DHCR24: variants seen among roughly 807,000 people sequenced by gnomAD.
The protein encoded by DHCR24 is delta(24)-sterol reductase.
In DHCR24, 28 loss-of-function variants were observed where a neutral mutation model predicts 61.2. That is an observed-to-expected ratio of 0.46 (90% CI 0.34 to 0.63). DHCR24 has a LOEUF of 0.63. Ranked by LOEUF, DHCR24 falls within the 20% of genes least tolerant of loss-of-function variation. The probability of loss-of-function intolerance (pLI) is 0.01; values close to 1 mark genes in which losing one functional copy is unlikely to be tolerated. For missense variants in DHCR24, 538 were observed against 679.1 expected, an observed-to-expected ratio of 0.79 and a Z score of 2.31; for synonymous variants, 261 against 275.9, an observed-to-expected ratio of 0.95 and a Z score of 0.54.
At chr1:54,859,469 A>G (rs540101519) in intron 6 of DHCR24, among the ~76,000 whole-genome samples, 38 of 151,810 alleles carry the variant, frequency 2.5e-4, no homozygotes, top group South Asian at 4.2e-4. Context: ...TGTCTCCAAC[A>G]GTTCCTTTTT....
chr1:54,870,133 G>A (rs1220136162), intron 5 of DHCR24, among the ~76,000 whole-genome samples: 1 of 151,872 alleles, frequency 6.6e-6, no homozygotes, highest in Non-Finnish European at 1.5e-5. Flanking sequence ...AAGGCAGGAG[G>A]ATTGCTTGAG....
At chr1:54,878,150 C>G (rs557229967) in intron 2 of DHCR24, among the ~76,000 whole-genome samples, 50 of 151,668 alleles carry the variant, frequency 3.3e-4, no homozygotes, top group Non-Finnish European at 5.6e-4. Flanking sequence ...GAGTACTAAT[C>G]GGTAAATACA....
intron 6 of DHCR24, among the ~76,000 whole-genome samples, chr1:54,859,781 C>T (rs753242946): frequency 1.3e-5 from 2 of 152,176 alleles, no homozygotes; most frequent in Non-Finnish European, 2.9e-5. Flanking sequence ...GAAGATAATG[C>T]GTGGAAAGTG....
At chr1:54,860,068 C>T (rs1010151930) in intron 6 of DHCR24, among the ~76,000 whole-genome samples, 1 of 152,110 alleles carries the variant, frequency 6.6e-6, no homozygotes, top group African/African-American at 2.4e-5. Flanking sequence ...GAGACCCTCA[C>T]CCCTACACTC....
Position 54,853,334 on chromosome 1 carries a change from C to A in DHCR24, c.1397+100G>T, listed in dbSNP as rs556976717. 6.7e-6 allele frequency: 10 copies of A among 1,486,808 alleles called. No individual in the cohort carries two copies. In the African/African-American group the frequency reaches 9.7e-5, roughly 14 times the overall value. The allele number at this position is 1,486,808 out of a possible 1,614,324, so 92.1% of individuals were successfully genotyped here. A position where few individuals can be genotyped will look rare whatever the true frequency, so the allele number is the denominator to read the frequency against. ...GGGCCCTAAGGAACCAGTTGATAGGCTTGGGGCTCCTGGTTCTCCATAGAG... is the reference window on the plus strand; with the variant it reads ...GGGCCCTAAGGAACCAGTTGATAGGATTGGGGCTCCTGGTTCTCCATAGAG... On this transcript the variant is annotated intron_variant, in intron 8 of 8. Transcript: ENST00000371269.
intron 5 of DHCR24, among the ~76,000 whole-genome samples, chr1:54,868,241 T>G (rs924261332): frequency 2.6e-5 from 4 of 151,936 alleles, no homozygotes; most frequent in Non-Finnish European, 4.4e-5. Context: ...GAGGCCGAGG[T>G]GGGTGGATCA....
At position 54,887,152 on chromosome 1, in the gene DHCR24, C is replaced by A. The variant is rs758999320; in HGVS notation, c.-33G>T. 10 of 1,528,716 alleles carry A rather than the reference C, an allele frequency of 6.5e-6. No homozygotes were observed. Among genetic ancestry groups the A allele is most frequent in the Non-Finnish European group, 7.9e-6 (9 of 1,135,016 alleles). The allele number at this position is 1,528,716 out of a possible 1,614,324, so 94.7% of individuals were successfully genotyped here. ...CGCCGCGCGGTAAGCGCTGCGGGTT[C>A]GCGCCTCCTGTCACTGCCGCCAGCT... On this transcript the variant is annotated 5_prime_UTR_variant, in exon 1 of 9. Transcript: ENST00000371269.
chr1:54,877,401 C>T (rs1570199511), intron 2 of DHCR24, among the ~76,000 whole-genome samples: 1 of 151,488 alleles, frequency 6.6e-6, no homozygotes, highest in Non-Finnish European at 1.5e-5. Context: ...ACAGGAACCA[C>T]ATTTACCCTG....
intron 2 of DHCR24, among the ~76,000 whole-genome samples, chr1:54,880,503 G>A (rs1350239461): frequency 6.6e-6 from 1 of 152,070 alleles, no homozygotes; most frequent in African/African-American, 2.4e-5. Context: ...GGTGGCTCAC[G>A]CCTGTAATCC....
chr1:54,882,939 G>C lies in DHCR24; in HGVS notation c.387+679C>G, dbSNP rs1647072384. Among the ~76,000 whole-genome samples, 4 of 152,000 alleles carry C rather than the reference G, an allele frequency of 2.6e-5. No individual in the cohort carries two copies. The South Asian group carries it at 8.3e-4, about 32-fold the overall frequency. The stretch of plus-strand genomic sequence containing the variant: ...TGGGTATGTTTGTTGTCTTGATTGT[G>C]GTAAGAGTTTTACCACACTTTAAAT... On this transcript the variant is annotated intron_variant, in intron 2 of 8. Coordinates refer to ENST00000371269, the MANE Select transcript of DHCR24 (RefSeq NM_014762.4).
At chr1:54,860,146 C>T (rs1646928096) in intron 6 of DHCR24, among the ~76,000 whole-genome samples, 1 of 152,234 alleles carries the variant, frequency 6.6e-6, no homozygotes, top group Admixed American at 6.5e-5. Context: ...ACTGACCAAT[C>T]ACCCTCTCCT....
At chr1:54,878,514 C>CAAAAAAAAAAA (rs56198608) in intron 2 of DHCR24, among the ~76,000 whole-genome samples, 24 of 54,324 alleles carry the variant, frequency 4.4e-4, no homozygotes, top group South Asian at 1.3e-3. Context: ...AACTCTGTCT[C>CAAAAAAAAAAA]AAAAAAAAAA....
intron 7 of DHCR24, 152 bp downstream of exon 7, chr1:54,853,885 C>A: frequency 2.3e-6 from 2 of 870,724 alleles, no homozygotes; most frequent in Non-Finnish European, 1.8e-6. Context: ...TGGGTTGAGG[C>A]CTCAGCAGAC....
rs1296441165 is a variant in DHCR24, at chr1:54,852,383, G to A, written c.1401C>T (p.Phe467=). 6.2e-7 allele frequency: 1 copy of A among 1,614,030 alleles called. No individual in the cohort carries two copies. The highest frequency in any genetic ancestry group is 1.3e-5 in the African/African-American group (1 of 75,072). ...TGTAGCAGTCGGCATACAGCATCTG[G>A]AAGCTGCAGAGGCAGAGAAGTGGGT... ...LEKFVRSVHG[F]QMLYADCYMN... Residue 467 remains phenylalanine, a synonymous_variant, in exon 9 of 9, where the codon TTC becomes TTT. Transcript: ENST00000371269.
At chr1:54,852,458 G>T in intron 8 of DHCR24, 72 bp from the exon 9 acceptor site, 3 of 1,544,672 alleles carry the variant, frequency 1.9e-6, no homozygotes, top group Non-Finnish European at 2.7e-6. Context: ...AAACCCAACT[G>T]CTCATTCTGC....
At chr1:54,881,754 T>C (rs1247860837) in intron 2 of DHCR24, among the ~76,000 whole-genome samples, 2 of 152,188 alleles carry the variant, frequency 1.3e-5, no homozygotes, top group Non-Finnish European at 2.9e-5. Flanking sequence ...TGCCCATCAG[T>C]GGTAGACTGG....
In DHCR24 at chr1:54,865,403, T is replaced by C. The variant is rs1463564704; in HGVS notation, c.920A>G (p.His307Arg). ...GNYYKPWFFKHVENYLKTNRE... is the reference protein window; with the variant it reads ...GNYYKPWFFKRVENYLKTNRE... ...GTTTGTCTTCAGATAGTTCTCCACA[T>C]GCTTAAAGAACCACGGCTTGTAGTA... Residue 307 changes from histidine (H) to arginine (R), a missense_variant, in exon 6 of 9, where the codon CAT becomes CGT. Coordinates refer to ENST00000371269, the MANE Select transcript of DHCR24 (RefSeq NM_014762.4). 5 of 1,614,172 alleles carry C rather than the reference T, an allele frequency of 3.1e-6. No individual in the cohort carries two copies. In the South Asian group the frequency reaches 4.4e-5, roughly 14 times the overall value.
At chr1:54,870,424 T>A (rs11206457) in intron 5 of DHCR24, among the ~76,000 whole-genome samples, 69,593 of 152,010 alleles carry the variant, frequency 0.46, 18,206 homozygotes, top group South Asian at 0.66. Context: ...ATAAATACAG[T>A]TGTCTCTCAG....
intron 4 of DHCR24, among the ~76,000 whole-genome samples, chr1:54,872,689 C>T (rs1647006100): frequency 6.6e-6 from 1 of 152,150 alleles, no homozygotes. Context: ...ACTTATTCCT[C>T]TCAACCACAT....
Sources: allele counts gnomAD v4.1 joint callset (sites outside exome capture counted in the v4.1 genomes callset), GRCh38; gene constraint gnomAD v4.1.1; transcripts MANE v1.5; gene names NCBI Gene and HGNC (gene_info 2026-07-23, HGNC 2026-07-21).